Variants in STPG1 observed in about 807,000 individuals in gnomAD.
The protein encoded by STPG1 is O(6)-methylguanine-induced apoptosis 2.
STPG1 carries 33 observed loss-of-function variants against 40.1 expected under a neutral mutation model. The ratio of observed to expected loss-of-function variants is 0.82; its 90% CI spans 0.62 to 1.10. The LOEUF (loss-of-function observed/expected upper bound fraction) is 1.10. Ranked by LOEUF, STPG1 falls within the 50% of genes least tolerant of loss-of-function variation. The probability of loss-of-function intolerance (pLI) is 0.00; values close to 1 mark genes in which losing one functional copy is unlikely to be tolerated. For missense variants in STPG1, 396 were observed against 415.1 expected (o/e 0.95, Z 0.40); for synonymous variants, 150 against 155.0 (o/e 0.97, Z 0.24).
At chr1:24,367,264 A>G (rs1381041312) in intron 7 of STPG1, among the ~76,000 whole-genome samples, 1 of 152,234 alleles carries the variant, frequency 6.6e-6, no homozygotes, top group Non-Finnish European at 1.5e-5. Flanking sequence ...TGACAAATGC[A>G]AACGCCATAA....
At chr1:24,397,584 C>A (rs1007212896) in intron 2 of STPG1, among the ~76,000 whole-genome samples, 7 of 151,958 alleles carry the variant, frequency 4.6e-5, no homozygotes, top group African/African-American at 1.7e-4. Flanking sequence ...ACATCGTGAC[C>A]AACCCCAGTA....
In STPG1 at chr1:24,401,320, T is replaced by C. The variant is rs1443000712; in HGVS notation, c.69A>G (p.Lys23=). 1 of 1,614,048 alleles carries C rather than the reference T, an allele frequency of 6.2e-7. No individual in the cohort carries two copies. Among genetic ancestry groups the C allele is most frequent in the South Asian group, 1.1e-5 (1 of 91,066 alleles). The part of the protein sequence containing the change: ...KHPRRASEVQ[K]GFTAAYPTQS... ...TCCTCCCTGCAAAGACACATGTACC[T>C]TTCTGTACTTCACTGGCACGTCTGG... is the stretch of plus-strand genomic sequence containing the variant. Residue 23 remains lysine (K), a splice_region_variant and synonymous_variant, in exon 2 of 9, where the codon AAA becomes AAG. Transcript: ENST00000337248.
intron 7 of STPG1, among the ~76,000 whole-genome samples, chr1:24,365,139 T>C (rs1456023584): frequency 6.6e-6 from 1 of 152,144 alleles, no homozygotes. Flanking sequence ...AAGCATCCCA[T>C]ATCTAATTGA....
Position 24,373,163 on chromosome 1 carries a change from A to C in STPG1, c.571+539T>G, listed in dbSNP as rs548920894. Among the ~76,000 whole-genome samples, 5 of 152,300 alleles carry C rather than the reference A, an allele frequency of 3.3e-5. No individual in the cohort carries two copies. In the South Asian group the frequency reaches 1.0e-3, roughly 32 times the overall value. The stretch of plus-strand genomic sequence containing the variant: ...CTTCCTCATCTGAAAAGTAGGGCTA[A>C]GTGGATGAACCTATGACGGCAGACC... On this transcript the variant is annotated intron_variant, in intron 6 of 8. Transcript: ENST00000337248.
chr1:24,383,893 G>A lies in STPG1; in HGVS notation c.291+9C>T, dbSNP rs747568592. ...AGTTAATGCTTTACTCAAGAGAAGT[G>A]GTTCTCACCATTGAGGGAAACATGC... On this transcript the variant is annotated intron_variant, in intron 4 of 8. Transcript: ENST00000337248. 6.4e-7 allele frequency: 1 copy of A among 1,557,746 alleles called. No homozygotes were observed.
chr1:24,384,369 C>T (rs1448535182), intron 3 of STPG1, among the ~76,000 whole-genome samples: 1 of 152,184 alleles, frequency 6.6e-6, no homozygotes, highest in Non-Finnish European at 1.5e-5. Context: ...TAAGCCAGAC[C>T]CACGGCAAGG....
Position 24,360,938 on chromosome 1 carries a change from G to C in STPG1, c.841C>G (p.Arg281Gly). ...GATGCACTAGAGATGAAATGCTTGCGGGGGCCTAAGTAGTCCACGATCTCA... is the reference window on the plus strand; with the variant it reads ...GATGCACTAGAGATGAAATGCTTGCCGGGGCCTAAGTAGTCCACGATCTCA... ...QYEIVDYLGP[R>G]KHFISSASFV... The change falls in exon 8 of 9, where the codon CGC (arginine) becomes GGC (glycine). Residue 281 changes from arginine to glycine, a missense_variant. Arg to Gly is a moderately radical substitution (Grantham distance 125). Coordinates refer to ENST00000337248, the MANE Select transcript of STPG1 (RefSeq NM_001199013.2). The C allele has an allele frequency of 6.2e-7, 1 of 1,614,028 alleles. No individual in the cohort carries two copies. The highest frequency in any genetic ancestry group is 8.5e-7 in the Non-Finnish European group (1 of 1,179,980).
intron 1 of STPG1, among the ~76,000 whole-genome samples, chr1:24,406,506 CCTT>C (rs1223582118): frequency 2.0e-5 from 3 of 152,012 alleles, no homozygotes; most frequent in Admixed American, 6.5e-5. Context: ...GTGTCATAGT[CCTT>C]CTATCTACAG....
chr1:24,366,658 C>G (rs148279104), intron 7 of STPG1, among the ~76,000 whole-genome samples: 9 of 152,168 alleles, frequency 5.9e-5, no homozygotes, highest in African/African-American at 2.2e-4. Context: ...GCTCCACGTT[C>G]GTTGTCCCCT....
chr1:24,378,106 A>G (rs1642114213), intron 5 of STPG1, among the ~76,000 whole-genome samples: 1 of 150,688 alleles, frequency 6.6e-6, no homozygotes, highest in Non-Finnish European at 1.5e-5. Context: ...CACAGGTTGC[A>G]TGTGGCTATT....
chr1:24,375,563 GC>G (rs770386891), intron 5 of STPG1, among the ~76,000 whole-genome samples: 16 of 152,282 alleles, frequency 1.1e-4, no homozygotes, highest in Admixed American at 2.6e-4. Context: ...GAGCCAGGTT[GC>G]CGGAGAGAAG....
intron 4 of STPG1, among the ~76,000 whole-genome samples, chr1:24,381,153 C>T (rs1002767555): frequency 6.6e-6 from 1 of 152,132 alleles, no homozygotes; most frequent in Admixed American, 6.5e-5. Flanking sequence ...CACTACATGA[C>T]ATGGATCAGA....
chr1:24,391,507 C>T (rs933215118), intron 3 of STPG1, 54 bp downstream of exon 3: 3 of 1,175,638 alleles, frequency 2.6e-6, no homozygotes, highest in African/African-American at 1.5e-5. Flanking sequence ...GTGCCTGTCC[C>T]GCAAGGCTAA....
At chr1:24,392,179 C>A in intron 2 of STPG1, 1 of 658,722 alleles carries the variant, frequency 1.5e-6, no homozygotes, top group Non-Finnish European at 1.9e-6. Context: ...TGTAAGTTTT[C>A]GTTTCTGTTT....
At chr1:24,388,333 C>G (rs183360510) in intron 3 of STPG1, among the ~76,000 whole-genome samples, 6 of 152,344 alleles carry the variant, frequency 3.9e-5, no homozygotes, top group African/African-American at 1.4e-4. Context: ...GGGCCATGCT[C>G]TGCCACATAG....
chr1:24,362,647 T>C (rs1419838460), intron 7 of STPG1, among the ~76,000 whole-genome samples: 1 of 152,168 alleles, frequency 6.6e-6, no homozygotes, highest in Non-Finnish European at 1.5e-5. Flanking sequence ...TCAGCATCAA[T>C]GTGTGCTGCT....
At chr1:24,400,997 T>C (rs998580112) in intron 2 of STPG1, 2 of 243,330 alleles carry the variant, frequency 8.2e-6, no homozygotes, top group African/African-American at 2.2e-5. Context: ...AGTTGAGTTC[T>C]AGGAAATAAA....
intron 2 of STPG1, among the ~76,000 whole-genome samples, chr1:24,396,698 G>A (rs1643020691): frequency 6.6e-6 from 1 of 152,024 alleles, no homozygotes; most frequent in Non-Finnish European, 1.5e-5. Context: ...AATACTACAA[G>A]GAGTTATTCC....
chr1:24,414,970 C>G (rs1176263769), upstream of STPG1: 2 of 152,194 alleles, frequency 1.3e-5, no homozygotes, highest in Admixed American at 1.3e-4. Context: ...CTCCCATGTT[C>G]CCAAGGAGCT....
Sources: gnomAD v4.1 joint callset for allele counts (sites outside exome capture counted in the v4.1 genomes callset) on GRCh38, gnomAD v4.1.1 for gene constraint, MANE v1.5 for transcripts, NCBI Gene and HGNC (gene_info 2026-07-23, HGNC 2026-07-21) for gene names.